The following RTF2 variants were observed in gnomAD, a reference collection of about 807,000 sequenced individuals.
The protein encoded by RTF2 is UPF0549 protein C20orf43.
A neutral mutation model predicts 38.0 loss-of-function variants in RTF2; 18 were observed. That is an observed-to-expected ratio of 0.47 (90% confidence interval 0.33 to 0.70). The LOEUF is 0.70. Ranked by LOEUF, RTF2 falls within the 30% of genes least tolerant of loss-of-function variation. The probability of loss-of-function intolerance (pLI) is 0.02; values close to 1 mark genes in which losing one functional copy is unlikely to be tolerated. For missense variants in RTF2, 311 were observed against 379.6 expected, an observed-to-expected ratio of 0.82 and a Z score of 1.50; for synonymous variants, 126 against 137.1, an observed-to-expected ratio of 0.92 and a Z score of 0.57.
At chr20:56,483,623 C>T (rs191590859) in intron 4 of RTF2, among the ~76,000 whole-genome samples, 6 of 152,280 alleles carry the variant, frequency 3.9e-5, no homozygotes, top group East Asian at 3.9e-4. Context: ...AGCCACTGTG[C>T]CCAGCCCCAA....
At chr20:56,482,792 A>C (rs887199142) in intron 4 of RTF2, among the ~76,000 whole-genome samples, 1 of 152,206 alleles carries the variant, frequency 6.6e-6, no homozygotes, top group African/African-American at 2.4e-5. Context: ...GGAATGCCTA[A>C]AGTGAAATAT....
intron 4 of RTF2, among the ~76,000 whole-genome samples, chr20:56,482,689 T>C (rs1982584024): frequency 6.6e-6 from 1 of 152,262 alleles, no homozygotes. Context: ...GTGAATTTAG[T>C]GCAGTGTTAT....
In RTF2 at chr20:56,476,250, A is replaced by T. The variant is rs1181987024; in HGVS notation, c.259-735A>T. 3.9e-5 allele frequency among the ~76,000 whole-genome samples: 6 copies of T among 152,040 alleles called. No individual in the cohort carries two copies. The East Asian group carries it at 1.2e-3, about 29-fold the overall frequency. On this transcript the variant is annotated intron_variant, in intron 3 of 8. Coordinates refer to ENST00000357348, the MANE Select transcript of RTF2 (RefSeq NM_016407.5). ...CTGTCTATTCAATGATTTTATATAT[A>T]TATTTTTTTGTTTTTGCTTTTTTCA...
At chr20:56,513,470 T>C in intron 6 of RTF2, 42 bp downstream of exon 6, 4 of 1,552,660 alleles carry the variant, frequency 2.6e-6, no homozygotes, top group Non-Finnish European at 3.5e-6. Flanking sequence ...CCATCTCTGC[T>C]CCAGAGCCGA....
In RTF2 at chr20:56,518,401, A is replaced by C. The variant is rs1182666560; in HGVS notation, c.*136A>C. ...ATAAAGCTGTCCTGGCCAGCCTTCA[A>C]GCTGGTGTGGCCACTCTTGATGTGA... On this transcript the variant is annotated 3_prime_UTR_variant, in exon 9 of 9. Coordinates refer to ENST00000357348, the MANE Select transcript of RTF2 (RefSeq NM_016407.5). The C allele has an allele frequency of 4.5e-6, 4 of 885,148 alleles. No individual in the cohort carries two copies. The East Asian group carries it at 1.1e-4, about 24-fold the overall frequency. The allele number at this position is 885,148 out of a possible 1,614,324, so 54.8% of individuals were successfully genotyped here. A position where few individuals can be genotyped will look rare whatever the true frequency, so the allele number is the denominator to read the frequency against.
intron 5 of RTF2, among the ~76,000 whole-genome samples, chr20:56,505,173 G>A (rs1417528999): frequency 6.6e-6 from 1 of 152,032 alleles, no homozygotes; most frequent in Non-Finnish European, 1.5e-5. Context: ...CTCTTCCCCT[G>A]CATCTTGAAT....
chr20:56,473,413 A>C lies in RTF2; in HGVS notation c.164+18A>C. 1 of 1,530,410 alleles carries C rather than the reference A, an allele frequency of 6.5e-7. No homozygotes were observed. Among genetic ancestry groups the C allele is most frequent in the Non-Finnish European group, 9.0e-7 (1 of 1,113,712 alleles). The allele number at this position is 1,530,410 out of a possible 1,614,324, so 94.8% of individuals were successfully genotyped here. ...CTTGGCAGGTATGGTTTTTACACTTAATCAAGATGAGTTTGTTAAGTGATT... is the reference window on the plus strand; with the variant it reads ...CTTGGCAGGTATGGTTTTTACACTTCATCAAGATGAGTTTGTTAAGTGATT... On this transcript the variant is annotated intron_variant, in intron 2 of 8. Transcript: ENST00000357348.
chr20:56,494,942 C>G (rs1385321783), intron 5 of RTF2, among the ~76,000 whole-genome samples: 1 of 152,170 alleles, frequency 6.6e-6, no homozygotes, highest in Non-Finnish European at 1.5e-5. Flanking sequence ...ATGGCAGGGC[C>G]TAGCTGTTGG....
chr20:56,473,415 T>G lies in RTF2; in HGVS notation c.164+20T>G, dbSNP rs1568690808. On this transcript the variant is annotated intron_variant, in intron 2 of 8. Transcript: ENST00000357348. Reference sequence around the variant, plus strand: ...TGGCAGGTATGGTTTTTACACTTAATCAAGATGAGTTTGTTAAGTGATTTT... The same window carrying G: ...TGGCAGGTATGGTTTTTACACTTAAGCAAGATGAGTTTGTTAAGTGATTTT... The G allele has an allele frequency of 6.6e-7, 1 of 1,513,376 alleles. No homozygotes were observed. The highest frequency in any genetic ancestry group is 9.1e-7 in the Non-Finnish European group (1 of 1,100,590). The allele number at this position is 1,513,376 out of a possible 1,614,324, so 93.7% of individuals were successfully genotyped here.
chr20:56,497,494 G>C, intron 5 of RTF2: 1 of 1,490,540 alleles, frequency 6.7e-7, no homozygotes, highest in Non-Finnish European at 9.0e-7. Flanking sequence ...ACTTCTGGTT[G>C]GGCAGGTTCT....
intron 4 of RTF2, among the ~76,000 whole-genome samples, chr20:56,480,491 A>C (rs781139814): frequency 6.6e-6 from 1 of 152,152 alleles, no homozygotes; most frequent in Non-Finnish European, 1.5e-5. Flanking sequence ...CTTACCATTC[A>C]TCTGTTTATA....
intron 3 of RTF2, among the ~76,000 whole-genome samples, chr20:56,475,838 A>G (rs144878496): frequency 6.6e-6 from 1 of 152,348 alleles, no homozygotes. Flanking sequence ...ATTTAATGGA[A>G]AAAAACTCCA....
intron 5 of RTF2, among the ~76,000 whole-genome samples, chr20:56,512,490 G>A (rs1984737750): frequency 6.6e-6 from 1 of 152,116 alleles, no homozygotes; most frequent in African/African-American, 2.4e-5. Context: ...CCTCTGCAGA[G>A]GTGGCTCACT....
rs377723047 is a variant in RTF2 at position 56,516,009 on chromosome 20, G to A, written c.592-926G>A. The A allele has an allele frequency of 3.3e-5, 5 of 152,324 alleles. 1 individual carries two copies. Among genetic ancestry groups the A allele is most frequent in the East Asian group, 1.9e-4 (1 of 5,192 alleles). 9.4% of individuals were successfully genotyped at this position (152,324 alleles called of 1,614,324 possible). Reference sequence around the variant, plus strand: ...ATGGAGGGCTTAGAAGTAAACAGTTGTCTCTTATTTGTTTGAAGGACCGAG... The same window carrying A: ...ATGGAGGGCTTAGAAGTAAACAGTTATCTCTTATTTGTTTGAAGGACCGAG... On this transcript the variant is annotated intron_variant, in intron 6 of 8. Transcript: ENST00000357348.
intron 2 of RTF2, among the ~76,000 whole-genome samples, chr20:56,473,697 A>G (rs554583374): frequency 6.6e-6 from 1 of 152,234 alleles, no homozygotes; most frequent in East Asian, 1.9e-4. Flanking sequence ...CAGTCTGGGC[A>G]ATGTGGTGAA....
chr20:56,486,794 T>C (rs568447588), intron 5 of RTF2, among the ~76,000 whole-genome samples: 1 of 152,328 alleles, frequency 6.6e-6, no homozygotes, highest in South Asian at 2.1e-4. Context: ...TTGTAAGTCC[T>C]GCTGGGACTG....
intron 5 of RTF2, chr20:56,496,588 C>T (rs1983554092): frequency 2.1e-6 from 3 of 1,450,450 alleles, no homozygotes; most frequent in Non-Finnish European, 2.7e-6. Flanking sequence ...AATCTATCTG[C>T]TGCTGTTGCT....
intron 3 of RTF2, among the ~76,000 whole-genome samples, chr20:56,476,195 T>C (rs1465380441): frequency 6.6e-6 from 1 of 152,244 alleles, no homozygotes; most frequent in Non-Finnish European, 1.5e-5. Flanking sequence ...TATTCTGCCT[T>C]AGCTCGTTAG....
At chr20:56,481,988 A>G (rs1248963530) in intron 4 of RTF2, among the ~76,000 whole-genome samples, 2 of 152,360 alleles carry the variant, frequency 1.3e-5, no homozygotes, top group East Asian at 3.9e-4. Flanking sequence ...GGTCTCGAGT[A>G]GGAGTCCCCT....
Sources: gnomAD v4.1 joint callset for allele counts (sites outside exome capture counted in the v4.1 genomes callset) on GRCh38, gnomAD v4.1.1 for gene constraint, MANE v1.5 for transcripts, NCBI Gene and HGNC (gene_info 2026-07-23, HGNC 2026-07-21) for gene names.